The following MBNL1 variants were observed in gnomAD, a reference collection of about 807,000 sequenced individuals.
MBNL1 encodes the protein muscleblind-like protein 1.
In MBNL1, 8 loss-of-function variants were observed where a neutral mutation model predicts 42.2. That is an observed-to-expected ratio of 0.19 (90% confidence interval 0.11 to 0.34). The LOEUF is 0.34. Among genes scored for constraint, MBNL1 ranks in the 10% least tolerant of loss-of-function variants. The pLI is 1.00. For missense variants in MBNL1, 309 were observed against 495.3 expected (o/e 0.62, Z 3.57); for synonymous variants, 169 against 173.9 (o/e 0.97, Z 0.22).
intron 2 of MBNL1, among the ~76,000 whole-genome samples, chr3:152,248,199 T>C (rs2033611561): frequency 6.6e-6 from 1 of 152,130 alleles, no homozygotes; most frequent in South Asian, 2.1e-4. Flanking sequence ...TTATTCTCGT[T>C]CTATGTGGGT....
At chr3:152,308,251 T>C (rs1398019541) in intron 2 of MBNL1, among the ~76,000 whole-genome samples, 1 of 152,232 alleles carries the variant, frequency 6.6e-6, no homozygotes, top group South Asian at 2.1e-4. Context: ...TATCTTATCA[T>C]AAATCTTGAG....
intron 2 of MBNL1, among the ~76,000 whole-genome samples, chr3:152,404,606 A>G (rs1051966098): frequency 1.1e-4 from 16 of 152,064 alleles, no homozygotes; most frequent in East Asian, 1.9e-4. Context: ...ATATTTCTCA[A>G]TAAAGACTTG....
intron 4 of MBNL1, among the ~76,000 whole-genome samples, chr3:152,434,419 G>GTA (rs2099051578): frequency 6.6e-6 from 1 of 152,182 alleles, no homozygotes; most frequent in Non-Finnish European, 1.5e-5. Context: ...ATTCCATGGT[G>GTA]TATATGTACC....
chr3:152,359,760 C>A (rs567457679), intron 2 of MBNL1, among the ~76,000 whole-genome samples: 1 of 152,248 alleles, frequency 6.6e-6, no homozygotes, highest in East Asian at 1.9e-4. Context: ...GTGCTCCAGG[C>A]CCTTTCTTCT....
chr3:152,267,975 CCA>C (rs2037734725), upstream of MBNL1: 1 of 152,194 alleles, frequency 6.6e-6, no homozygotes, highest in African/African-American at 2.4e-5. Context: ...AATCCTGCCC[CCA>C]GTCTCCAAAA....
intron 2 of MBNL1, among the ~76,000 whole-genome samples, chr3:152,344,309 A>G (rs991951372): frequency 6.6e-6 from 1 of 152,138 alleles, no homozygotes; most frequent in African/African-American, 2.4e-5. Context: ...TCTCAGCCCT[A>G]ACTGTGCCTT....
At chr3:152,246,818 T>C (rs1349179575) in intron 2 of MBNL1, among the ~76,000 whole-genome samples, 1 of 152,028 alleles carries the variant, frequency 6.6e-6, no homozygotes, top group South Asian at 2.1e-4. Flanking sequence ...TATTAAACTA[T>C]TGGGTCCAGG....
chr3:152,408,664 T>G (rs2153604312), intron 2 of MBNL1, among the ~76,000 whole-genome samples: 1 of 151,934 alleles, frequency 6.6e-6, no homozygotes, highest in Admixed American at 6.6e-5. Flanking sequence ...TAACTGGTAT[T>G]TTGTTATGAT....
chr3:152,460,601 A>T (rs1743789374), intron 9 of MBNL1, among the ~76,000 whole-genome samples: 1 of 150,990 alleles, frequency 6.6e-6, no homozygotes. Context: ...GTACCCTAAA[A>T]CTTAAAGTAT....
chr3:152,445,256 ACCT>A (rs756016185), intron 4 of MBNL1, 23 bp from the exon 5 acceptor site: 3 of 1,586,368 alleles, frequency 1.9e-6, no homozygotes, highest in Non-Finnish European at 2.6e-6. Flanking sequence ...TGTTGACTAA[ACCT>A]CATGTACTTA....
intron 4 of MBNL1, among the ~76,000 whole-genome samples, chr3:152,436,214 G>C (rs2099076178): frequency 6.6e-6 from 1 of 152,180 alleles, no homozygotes; most frequent in African/African-American, 2.4e-5. Flanking sequence ...AAGGCTGTCA[G>C]ATTTTAGCAT....
At chr3:152,352,458 C>T (rs1358829264) in intron 2 of MBNL1, among the ~76,000 whole-genome samples, 1 of 152,182 alleles carries the variant, frequency 6.6e-6, no homozygotes, top group Non-Finnish European at 1.5e-5. Context: ...TGCCTTGAAC[C>T]ACTCTTTAGT....
At chr3:152,346,137 G>C (rs1196284235) in intron 2 of MBNL1, among the ~76,000 whole-genome samples, 1 of 152,112 alleles carries the variant, frequency 6.6e-6, no homozygotes, top group Non-Finnish European at 1.5e-5. Flanking sequence ...TCATGTGGCA[G>C]GATGGGGTCC....
chr3:152,365,735 T>C (rs976994466), intron 2 of MBNL1, among the ~76,000 whole-genome samples: 5 of 152,168 alleles, frequency 3.3e-5, no homozygotes, highest in Non-Finnish European at 5.9e-5. Context: ...AATTATGCAA[T>C]TCTATTAAAC....
intron 2 of MBNL1, among the ~76,000 whole-genome samples, chr3:152,305,251 A>G (rs560599541): frequency 7.9e-4 from 120 of 152,304 alleles, no homozygotes; most frequent in African/African-American, 2.6e-3. Context: ...TGTATGACAC[A>G]TGCCCAGTTC....
chr3:152,332,533 A>G (rs552618332), intron 2 of MBNL1, among the ~76,000 whole-genome samples: 1 of 152,318 alleles, frequency 6.6e-6, no homozygotes, highest in South Asian at 2.1e-4. Flanking sequence ...TAAACTGTAA[A>G]TGACACACCA....
intron 2 of MBNL1, among the ~76,000 whole-genome samples, chr3:152,305,459 T>C (rs1377784320): frequency 1.3e-5 from 2 of 152,156 alleles, no homozygotes; most frequent in African/African-American, 4.8e-5. Context: ...CTTATTTTCT[T>C]ACAAAGAGGT....
rs1577919448 is a variant in MBNL1 at position 152,323,994 on chromosome 3, T to G, written c.174+23627T>G. On this transcript the variant is annotated intron_variant, in intron 2 of 9. Transcript: ENST00000324210. ...AGGGTATGCAAAAATTATCCCCGTT[T>G]TCGGTTGCAGTATCTGTTGCTGACC... Among the ~76,000 whole-genome samples the G allele has an allele frequency of 2.0e-5, 3 of 152,336 alleles. No homozygotes were observed. In the East Asian group the frequency reaches 5.8e-4, roughly 29 times the overall value.
intron 1 of MBNL1, among the ~76,000 whole-genome samples, chr3:152,273,852 T>C (rs1383319193): frequency 6.6e-6 from 1 of 152,178 alleles, no homozygotes; most frequent in East Asian, 1.9e-4. Context: ...TTGATAAAGG[T>C]ATGCAAAATA....
Sources: gnomAD v4.1 joint callset for allele counts (sites outside exome capture counted in the v4.1 genomes callset) on GRCh38, gnomAD v4.1.1 for gene constraint, MANE v1.5 for transcripts, NCBI Gene and HGNC (gene_info 2026-07-23, HGNC 2026-07-21) for gene names.